KAZN: variants seen among roughly 807,000 people sequenced by gnomAD.
The protein encoded by KAZN is kazrin.
In KAZN, 40 loss-of-function variants were observed where a neutral mutation model predicts 87.4. The observed-to-expected ratio is 0.46, with a 90% confidence interval of 0.36 to 0.60. KAZN has a LOEUF of 0.60. Among genes scored for constraint, KAZN ranks in the 20% least tolerant of loss-of-function variants. The pLI is 0.00. For missense variants in KAZN, 898 were observed against 1,073.9 expected (o/e 0.84, Z 2.29); for synonymous variants, 466 against 458.3 (o/e 1.02, Z -0.22).
chr1:14,346,861 C>G (rs1057494824), intron 2 of KAZN, among the ~76,000 whole-genome samples: 2 of 152,108 alleles, frequency 1.3e-5, no homozygotes, highest in African/African-American at 4.8e-5. Context: ...TACTCTGTGC[C>G]AGGGACCATC....
At chr1:14,727,601 T>C (rs1300361560) in intron 1 of KAZN, among the ~76,000 whole-genome samples, 1 of 150,178 alleles carries the variant, frequency 6.7e-6, no homozygotes, top group African/African-American at 2.4e-5. Flanking sequence ...TGCCTCAGCC[T>C]CCCAAGTAGC....
chr1:14,538,147 A>G (rs1246385174), intron 2 of KAZN, among the ~76,000 whole-genome samples: 1 of 152,210 alleles, frequency 6.6e-6, no homozygotes, highest in Non-Finnish European at 1.5e-5. Context: ...TCTGAGAACA[A>G]TATATGGAGC....
intron 1 of KAZN, among the ~76,000 whole-genome samples, chr1:14,068,615 G>A (rs866060331): frequency 6.6e-6 from 1 of 152,144 alleles, no homozygotes; most frequent in Non-Finnish European, 1.5e-5. Context: ...AGGGTGCAAA[G>A]GCAGTATCAT....
Position 14,301,439 on chromosome 1 carries a change from G to T in KAZN, c.249+120847G>T, listed in dbSNP as rs144119516. Among the ~76,000 whole-genome samples, 759 of 152,242 alleles carry T rather than the reference G, an allele frequency of 5.0e-3. 9 individuals are homozygous for T. Among genetic ancestry groups the T allele is most frequent in the African/African-American group, 0.017 (727 of 41,546 alleles). ...AGGTTTGCATGATGGGATTGACTTT[G>T]GCTGCTCTCAAAGGCAAGCCACCGG... is the stretch of plus-strand genomic sequence containing the variant. On this transcript the variant is annotated intron_variant, in intron 2 of 16. Coordinates refer to the KAZN transcript ENST00000636203.
At chr1:14,963,334 C>T (rs759655761) in intron 2 of KAZN, among the ~76,000 whole-genome samples, 7 of 152,232 alleles carry the variant, frequency 4.6e-5, no homozygotes, top group East Asian at 1.9e-4. Flanking sequence ...GAGCTAGAAA[C>T]CCCATTTCTC....
rs529775404 is a variant in KAZN, at chr1:14,326,309, C to G, written c.249+145717C>G. 2.0e-5 allele frequency among the ~76,000 whole-genome samples: 3 copies of G among 152,256 alleles called. No individual in the cohort carries two copies. The South Asian group carries it at 6.2e-4, about 32-fold the overall frequency. ...AAAGCCATCCTTGTTGTGTCTGTTC[C>G]TTTCCCATACCACATGTAACCCATC... On this transcript the variant is annotated intron_variant, in intron 2 of 16. Transcript: ENST00000636203.
intron 2 of KAZN, among the ~76,000 whole-genome samples, chr1:14,391,856 A>G (rs974317934): frequency 3.3e-5 from 5 of 152,022 alleles, no homozygotes; most frequent in African/African-American, 4.8e-5. Context: ...AGAGGTGAAA[A>G]CCTGAGTGTT....
chr1:14,573,506 G>A (rs1314454307), intron 2 of KAZN, among the ~76,000 whole-genome samples: 1 of 152,036 alleles, frequency 6.6e-6, no homozygotes, highest in African/African-American at 2.4e-5. Flanking sequence ...AATTAGCCGG[G>A]GATGGTGGTG....
intron 1 of KAZN, among the ~76,000 whole-genome samples, chr1:14,637,977 C>T (rs1287660812): frequency 1.3e-5 from 2 of 152,094 alleles, no homozygotes; most frequent in East Asian, 3.9e-4. Context: ...CTCCCCGTCT[C>T]TGGCAGCTGC....
intron 1 of KAZN, among the ~76,000 whole-genome samples, chr1:14,110,124 G>A (rs1644468439): frequency 1.2e-5 from 1 of 81,234 alleles, no homozygotes; most frequent in Non-Finnish European, 2.5e-5. Context: ...CTGTGCAAAT[G>A]CACTGTTTTT....
chr1:14,278,084 C>A (rs1006179857), intron 2 of KAZN, among the ~76,000 whole-genome samples: 3 of 148,644 alleles, frequency 2.0e-5, no homozygotes, highest in Non-Finnish European at 4.5e-5. Context: ...GCAGGAGAAT[C>A]GCCTGAATCT....
intron 1 of KAZN, among the ~76,000 whole-genome samples, chr1:14,657,601 C>G (rs1638891914): frequency 6.6e-6 from 1 of 152,180 alleles, no homozygotes; most frequent in Non-Finnish European, 1.5e-5. Flanking sequence ...GGAGGCATCT[C>G]CCTATCATGA....
chr1:14,399,967 GTAAT>G (rs1452134478), intron 2 of KAZN, among the ~76,000 whole-genome samples: 4 of 152,052 alleles, frequency 2.6e-5, no homozygotes, highest in Admixed American at 2.6e-4. Flanking sequence ...CTCTCAGTAA[GTAAT>G]TGGTGAATTA....
At position 14,046,573 on chromosome 1, in the gene KAZN, C is replaced by T. The variant is rs139789325; in HGVS notation, c.92-133862C>T. ...TTTCCTCCCGCATAGAACTTGCTTGCAGAGATCATTGGAGAGAGCTACATG... is the reference window on the plus strand; with the variant it reads ...TTTCCTCCCGCATAGAACTTGCTTGTAGAGATCATTGGAGAGAGCTACATG... On this transcript the variant is annotated intron_variant, in intron 1 of 16. Transcript: ENST00000636203. Among the ~76,000 whole-genome samples the T allele has an allele frequency of 2.1e-3, 313 of 152,288 alleles. 1 individual carries two copies. The highest frequency in any genetic ancestry group is 6.8e-3 in the African/African-American group (283 of 41,562).
chr1:14,565,100 A>T (rs997214267), intron 2 of KAZN, among the ~76,000 whole-genome samples: 1 of 152,172 alleles, frequency 6.6e-6, no homozygotes, highest in African/African-American at 2.4e-5. Flanking sequence ...TAGCTTGATA[A>T]ATAGAGCATT....
chr1:13,944,701 T>C (rs1239239073), intron 1 of KAZN, among the ~76,000 whole-genome samples: 2 of 152,192 alleles, frequency 1.3e-5, no homozygotes, highest in Admixed American at 6.5e-5. Context: ...TCATTATCTC[T>C]ATGGTAACCA....
chr1:14,801,692 GT>G (rs373600027), intron 1 of KAZN, among the ~76,000 whole-genome samples: 28 of 146,810 alleles, frequency 1.9e-4, no homozygotes, highest in Admixed American at 5.4e-4. Context: ...TTGTTTTTTT[GT>G]TTTTTTTTTG....
chr1:14,962,159 C>A (rs1341438335), intron 2 of KAZN, among the ~76,000 whole-genome samples: 1 of 152,230 alleles, frequency 6.6e-6, no homozygotes, highest in East Asian at 1.9e-4. Flanking sequence ...GGGCAGCAGG[C>A]CAAGAAGGCT....
intron 1 of KAZN, among the ~76,000 whole-genome samples, chr1:13,975,825 TG>T (rs1412696064): frequency 9.2e-5 from 14 of 152,290 alleles, no homozygotes; most frequent in African/African-American, 3.4e-4. Context: ...AATGAATGAA[TG>T]AATCAAAAGG....
Sources: gnomAD v4.1 joint callset for allele counts (sites outside exome capture counted in the v4.1 genomes callset) on GRCh38, gnomAD v4.1.1 for gene constraint, MANE v1.5 for transcripts, NCBI Gene and HGNC (gene_info 2026-07-23, HGNC 2026-07-21) for gene names.